XKR6: variants seen among roughly 807,000 people sequenced by gnomAD.
XKR6 encodes XK related 6, also known as XK-related protein 6.
A neutral mutation model predicts 56.7 loss-of-function variants in XKR6; 22 were observed. The ratio of observed to expected loss-of-function variants is 0.39; its 90% CI spans 0.28 to 0.55. XKR6 has a LOEUF of 0.55. Ranked by LOEUF, XKR6 falls within the 20% of genes least tolerant of loss-of-function variation. XKR6 has a pLI of 0.66. For missense variants in XKR6, 852 were observed against 889.0 expected (o/e 0.96, Z 0.53); for synonymous variants, 524 against 387.8 (o/e 1.35, Z -4.13).
intron 2 of XKR6, among the ~76,000 whole-genome samples, chr8:10,902,952 T>G (rs921734276): frequency 4.6e-5 from 7 of 152,210 alleles, no homozygotes; most frequent in African/African-American, 1.4e-4. Context: ...GCACATTTTT[T>G]GGGACCGGAG....
In XKR6 at chr8:10,969,465, A is replaced by G. The variant is rs139921384; in HGVS notation, c.765-44635T>C. The stretch of plus-strand genomic sequence containing the variant: ...TGGATTTGATTCTACATATTAGTAG[A>G]TACAAGATCTCCCTGTGAGCCAACA... On this transcript the variant is annotated intron_variant, in intron 1 of 2. Coordinates refer to ENST00000416569, the MANE Select transcript of XKR6 (RefSeq NM_173683.4). 2.6e-5 allele frequency among the ~76,000 whole-genome samples: 4 copies of G among 152,360 alleles called. No homozygotes were observed. In the East Asian group the frequency reaches 7.7e-4, roughly 29 times the overall value.
chr8:10,941,153 C>A (rs181326586), intron 1 of XKR6, among the ~76,000 whole-genome samples: 504 of 152,274 alleles, frequency 3.3e-3, no homozygotes, highest in Admixed American at 6.5e-3. Flanking sequence ...GTCCAACAGG[C>A]TCCTTCTACC....
chr8:10,978,758 T>A (rs1439240453), intron 1 of XKR6, among the ~76,000 whole-genome samples: 2 of 152,214 alleles, frequency 1.3e-5, no homozygotes, highest in African/African-American at 2.4e-5. Flanking sequence ...TCTCCCTCCC[T>A]GGCCAGGGGC....
At chr8:10,954,578 T>C (rs1190752352) in intron 1 of XKR6, among the ~76,000 whole-genome samples, 7 of 152,238 alleles carry the variant, frequency 4.6e-5, no homozygotes. Flanking sequence ...ACACATGATT[T>C]ACACATATTT....
At chr8:11,164,208 TG>T (rs1758969820) in intron 1 of XKR6, among the ~76,000 whole-genome samples, 1 of 152,234 alleles carries the variant, frequency 6.6e-6, no homozygotes. Flanking sequence ...CAGTGAGGTT[TG>T]AAAGTGCCTC....
chr8:11,093,489 G>A (rs564706717), intron 1 of XKR6, among the ~76,000 whole-genome samples: 2 of 152,336 alleles, frequency 1.3e-5, no homozygotes, highest in South Asian at 4.1e-4. Flanking sequence ...ACTCCACTGT[G>A]GGTGGCGTCT....
intron 1 of XKR6, among the ~76,000 whole-genome samples, chr8:10,967,926 G>A (rs912495390): frequency 6.6e-5 from 10 of 152,162 alleles, no homozygotes; most frequent in Non-Finnish European, 1.2e-4. Context: ...GCTCTGCACT[G>A]GACAGAACCC....
In XKR6 at chr8:11,018,228, G is replaced by A. The variant is rs938683876; in HGVS notation, c.765-93398C>T. 1.5e-4 allele frequency among the ~76,000 whole-genome samples: 16 copies of A among 108,276 alleles called. No homozygotes were observed. In the South Asian group the frequency reaches 5.3e-3, roughly 36 times the overall value. 71.0% of individuals were successfully genotyped at this position (108,276 alleles called of 152,430 possible). A position where few individuals can be genotyped will look rare whatever the true frequency, so the allele number is the denominator to read the frequency against. ...GCCCCTGACTCCCAACTCCCTCCCT[G>A]CCATCAGCTAAGACTGTAACTGGTT... On this transcript the variant is annotated intron_variant, in intron 1 of 2. Coordinates refer to ENST00000416569, the MANE Select transcript of XKR6 (RefSeq NM_173683.4).
intron 1 of XKR6, among the ~76,000 whole-genome samples, chr8:10,950,750 C>T (rs969040318): frequency 6.6e-6 from 1 of 152,216 alleles, no homozygotes; most frequent in Non-Finnish European, 1.5e-5. Context: ...CACCACAGGC[C>T]CTTGGCTTGC....
At chr8:11,162,289 A>G (rs2117015236) in intron 1 of XKR6, among the ~76,000 whole-genome samples, 1 of 152,322 alleles carries the variant, frequency 6.6e-6, no homozygotes, top group East Asian at 1.9e-4. Flanking sequence ...CTCACCACAG[A>G]GTAAACCCAG....
chr8:10,990,919 T>C (rs6994903), intron 1 of XKR6, among the ~76,000 whole-genome samples: 31 of 143,506 alleles, frequency 2.2e-4, no homozygotes, highest in African/African-American at 8.4e-4. Flanking sequence ...TTTTTTTTTT[T>C]CGAGACAGAG....
At chr8:10,970,382 T>G (rs1337951002) in intron 1 of XKR6, among the ~76,000 whole-genome samples, 1 of 152,134 alleles carries the variant, frequency 6.6e-6, no homozygotes, top group Non-Finnish European at 1.5e-5. Flanking sequence ...TGATCTTAAT[T>G]CTCTGTGTCT....
At chr8:11,049,283 G>C (rs1399853617) in intron 1 of XKR6, among the ~76,000 whole-genome samples, 1 of 152,208 alleles carries the variant, frequency 6.6e-6, no homozygotes, top group Non-Finnish European at 1.5e-5. Context: ...TTTAATTCTT[G>C]TTTGGAGAGT....
intron 1 of XKR6, among the ~76,000 whole-genome samples, chr8:10,956,174 G>A (rs532741010): frequency 1.3e-5 from 2 of 152,340 alleles, no homozygotes; most frequent in South Asian, 4.1e-4. Context: ...GAAGTAGGCA[G>A]AAAGGAGCTG....
At chr8:11,116,089 G>A (rs182635831) in intron 1 of XKR6, among the ~76,000 whole-genome samples, 9 of 152,294 alleles carry the variant, frequency 5.9e-5, no homozygotes, top group Non-Finnish European at 8.8e-5. Flanking sequence ...ACGGATGTTC[G>A]TAAGATGATT....
intron 1 of XKR6, among the ~76,000 whole-genome samples, chr8:11,133,633 C>T (rs1800229027): frequency 1.3e-5 from 2 of 152,222 alleles, no homozygotes; most frequent in African/African-American, 4.8e-5. Context: ...AATAGACTAA[C>T]CTTTGCTGGG....
At chr8:11,174,749 C>G (rs902517159) in intron 1 of XKR6, among the ~76,000 whole-genome samples, 7 of 152,242 alleles carry the variant, frequency 4.6e-5, no homozygotes, top group Admixed American at 1.3e-4. Flanking sequence ...CCAAGTCTAG[C>G]TCTCACCTGG....
At chr8:11,160,750 A>C (rs1435925981) in intron 1 of XKR6, among the ~76,000 whole-genome samples, 3 of 152,020 alleles carry the variant, frequency 2.0e-5, no homozygotes, top group Non-Finnish European at 2.9e-5. Flanking sequence ...TCTACTAAAA[A>C]TACAAAAATT....
chr8:10,981,935 G>A (rs1211689897), intron 1 of XKR6, among the ~76,000 whole-genome samples: 1 of 152,220 alleles, frequency 6.6e-6, no homozygotes, highest in Non-Finnish European at 1.5e-5. Context: ...CTCATGGCTT[G>A]GATTAAGGCT....
Sources: allele counts gnomAD v4.1 joint callset (sites outside exome capture counted in the v4.1 genomes callset), GRCh38; gene constraint gnomAD v4.1.1; transcripts MANE v1.5; gene names NCBI Gene and HGNC (gene_info 2026-07-23, HGNC 2026-07-21).